The following MAGI1 variants were observed in gnomAD, a reference collection of about 807,000 sequenced individuals.
MAGI1 encodes membrane associated guanylate kinase, WW and PDZ domain containing 1.
MAGI1 carries 58 observed loss-of-function variants against 139.9 expected under a neutral mutation model. The ratio of observed to expected loss-of-function variants is 0.41; its 90% CI spans 0.34 to 0.52. The LOEUF is 0.52. Among genes scored for constraint, MAGI1 ranks in the 20% least tolerant of loss-of-function variants. The probability of loss-of-function intolerance (pLI) is 0.12; values close to 1 mark genes in which losing one functional copy is unlikely to be tolerated. For missense variants in MAGI1, 1,874 were observed against 1,901.6 expected, an observed-to-expected ratio of 0.99 and a Z score of 0.27; for synonymous variants, 812 against 737.9, an observed-to-expected ratio of 1.10 and a Z score of -1.63.
At chr3:65,880,658 C>T (rs80302747) in intron 1 of MAGI1, among the ~76,000 whole-genome samples, 3,969 of 152,032 alleles carry the variant, frequency 0.026, 141 homozygotes, top group East Asian at 0.075. Flanking sequence ...AGATAATAAA[C>T]GGCTGACAAC....
In MAGI1 at chr3:65,354,902, C is replaced by CA. The variant is rs1940134962; in HGVS notation, c.*1475_*1476insT. On this transcript the variant is annotated 3_prime_UTR_variant, in exon 23 of 23. Transcript: ENST00000402939. The stretch of plus-strand genomic sequence containing the variant: ...GGTTTTCTTTTTTTTTTTCTTTTTC[C>CA]TTTTTTTTTTTCTTACAGTACCATG... 7.0e-6 allele frequency: 1 copy of CA among 143,394 alleles called. No individual in the cohort carries two copies. The highest frequency in any genetic ancestry group is 1.5e-5 in the Non-Finnish European group (1 of 65,190). 8.9% of individuals were successfully genotyped at this position (143,394 alleles called of 1,614,324 possible).
At chr3:65,824,934 C>T (rs2042143053) in intron 1 of MAGI1, among the ~76,000 whole-genome samples, 1 of 152,150 alleles carries the variant, frequency 6.6e-6, no homozygotes, top group Admixed American at 6.6e-5. Flanking sequence ...ATACTAAATA[C>T]TTCAAAATTA....
intron 1 of MAGI1, among the ~76,000 whole-genome samples, chr3:65,954,052 T>C (rs986563507): frequency 2.6e-5 from 4 of 152,086 alleles, no homozygotes; most frequent in African/African-American, 9.7e-5. Context: ...CTTCATTTCC[T>C]CCAGAGGAAT....
At chr3:65,658,193 TA>T in intron 1 of MAGI1, among the ~76,000 whole-genome samples, 1 of 152,294 alleles carries the variant, frequency 6.6e-6, no homozygotes, top group South Asian at 2.1e-4. Flanking sequence ...TGATTATAAT[TA>T]ACTGATTTTG....
intron 1 of MAGI1, among the ~76,000 whole-genome samples, chr3:65,643,884 C>A: frequency 6.6e-6 from 1 of 152,260 alleles, no homozygotes; most frequent in Middle Eastern, 3.4e-3. Context: ...CTAATCTCTG[C>A]TCCTCATTCT....
Position 66,038,609 on chromosome 3 carries a change from T to C in MAGI1, c.-301A>G. 1 of 366,602 alleles carries C rather than the reference T, an allele frequency of 2.7e-6. No homozygotes were observed. The highest frequency in any genetic ancestry group is 4.9e-6 in the Non-Finnish European group (1 of 205,466). The allele number at this position is 366,602 out of a possible 1,614,324, so 22.7% of individuals were successfully genotyped here. A position where few individuals can be genotyped will look rare whatever the true frequency, so the allele number is the denominator to read the frequency against. On this transcript the variant is annotated 5_prime_UTR_variant, in exon 1 of 23. Coordinates refer to ENST00000402939, the MANE Select transcript of MAGI1 (RefSeq NM_001033057.2). Reference sequence around the variant, plus strand: ...TGCTCTCCCGGACCAGAGTCCACTCTGCGCCGCTCGGGTTATTTTTTTTTC... The same window carrying C: ...TGCTCTCCCGGACCAGAGTCCACTCCGCGCCGCTCGGGTTATTTTTTTTTC...
intron 2 of MAGI1, among the ~76,000 whole-genome samples, chr3:65,618,751 A>C (rs368931049): frequency 6.6e-6 from 1 of 152,240 alleles, no homozygotes; most frequent in South Asian, 2.1e-4. Flanking sequence ...GACTCACCTT[A>C]TAGGATTGCT....
At position 65,979,088 on chromosome 3, in the gene MAGI1, T is replaced by TCCCCCCCCC. The variant is rs200894076; in HGVS notation, c.313+58899_313+58907dup. Among the ~76,000 whole-genome samples, 108 of 52,962 alleles carry TCCCCCCCCC rather than the reference T, an allele frequency of 2.0e-3. 1 individual carries two copies. The highest frequency in any genetic ancestry group is 2.6e-3 in the African/African-American group (37 of 14,354). 34.7% of individuals were successfully genotyped at this position (52,962 alleles called of 152,430 possible). A position where few individuals can be genotyped will look rare whatever the true frequency, so the allele number is the denominator to read the frequency against. Reference sequence around the variant, plus strand: ...AACAGCCAAAGTTTTTTTCTTTTCTTCCCCCCCCCCGCCACCCCCCACAGC... The same window carrying TCCCCCCCCC: ...AACAGCCAAAGTTTTTTTCTTTTCTTCCCCCCCCCCCCCCCCCCCGCCACCCCCCACAGC... On this transcript the variant is annotated intron_variant, in intron 1 of 22. Transcript: ENST00000402939.
intron 1 of MAGI1, among the ~76,000 whole-genome samples, chr3:65,674,733 C>G (rs543422117): frequency 6.6e-6 from 1 of 152,148 alleles, no homozygotes; most frequent in Non-Finnish European, 1.5e-5. Context: ...ACTATGCAAC[C>G]CGCTGTATAA....
In MAGI1 at chr3:65,379,282, G is replaced by T. The variant is rs1329446111; in HGVS notation, c.2974C>A (p.Pro992Thr). Residue 992 changes from proline to threonine, a missense_variant, in exon 17 of 23, where the codon CCC becomes ACC. Transcript: ENST00000402939. ...GFVIVSSVSR[P>T]EAGTTFGNAC... is the part of the protein sequence containing the mutation. ...TCACCAAAGGTCGTGCCTGCTTCGG[G>T]CCTGCTCACCGAGGACACGATGACG... The T allele has an allele frequency of 1.2e-6, 2 of 1,612,752 alleles. No individual in the cohort carries two copies. The highest frequency in any genetic ancestry group is 1.6e-4 in the Middle Eastern group (1 of 6,062).
At position 65,834,046 on chromosome 3, in the gene MAGI1, C is replaced by T. The variant is rs566775787; in HGVS notation, c.313+203950G>A. On this transcript the variant is annotated intron_variant, in intron 1 of 22. Coordinates refer to ENST00000402939, the MANE Select transcript of MAGI1 (RefSeq NM_001033057.2). ...GACACTGGGGATCCTGTGGTGAACA[C>T]AACACATGTAATTCCCACTTTTCTG... is the stretch of plus-strand genomic sequence containing the variant. Among the ~76,000 whole-genome samples the T allele has an allele frequency of 5.9e-5, 9 of 152,340 alleles. No homozygotes were observed. The East Asian group carries it at 1.7e-3, about 29-fold the overall frequency.
In MAGI1 at chr3:65,553,571, A is replaced by G. The variant is rs190106621; in HGVS notation, c.431-59940T>C. Among the ~76,000 whole-genome samples the G allele has an allele frequency of 9.8e-5, 15 of 152,338 alleles. No individual in the cohort carries two copies. The East Asian group carries it at 2.1e-3, about 22-fold the overall frequency. On this transcript the variant is annotated intron_variant, in intron 2 of 22. Coordinates refer to ENST00000402939, the MANE Select transcript of MAGI1 (RefSeq NM_001033057.2). ...GTGCCTGACCAGAATCCTGACATCAATGTCGCAAGTGTATATAGAGTGCAC... is the reference window on the plus strand; with the variant it reads ...GTGCCTGACCAGAATCCTGACATCAGTGTCGCAAGTGTATATAGAGTGCAC...
At position 65,406,896 on chromosome 3, in the gene MAGI1, G is replaced by T. The variant is rs1031080010; in HGVS notation, c.2168-5426C>A. Among the ~76,000 whole-genome samples the T allele has an allele frequency of 1.1e-4, 16 of 152,122 alleles. 1 individual carries two copies. The highest frequency in any genetic ancestry group is 3.9e-4 in the East Asian group (2 of 5,178). On this transcript the variant is annotated intron_variant, in intron 12 of 22. Transcript: ENST00000402939. Reference sequence around the variant, plus strand: ...CCACTGAAAGCCACTGAAAGAAAATGACTGTGAGGTCTTGGTCAAGGGCTG... The same window carrying T: ...CCACTGAAAGCCACTGAAAGAAAATTACTGTGAGGTCTTGGTCAAGGGCTG...
intron 1 of MAGI1, among the ~76,000 whole-genome samples, chr3:65,679,963 C>T (rs1472572439): frequency 6.6e-6 from 1 of 152,138 alleles, no homozygotes; most frequent in African/African-American, 2.4e-5. Context: ...CCAAATAACT[C>T]GTATTTCAGG....
At chr3:65,759,065 CAAAAAAAAAAAAAAAA>C (rs200497203) in intron 1 of MAGI1, among the ~76,000 whole-genome samples, 14 of 73,084 alleles carry the variant, frequency 1.9e-4, no homozygotes, top group Admixed American at 6.7e-4. Flanking sequence ...AGGCCCAGTG[CAAAAAAAAAAAAAAAA>C]AAAAAAAAAA....
In MAGI1 at chr3:65,605,326, C is replaced by T. The variant is rs552718961; in HGVS notation, c.430+16646G>A. Among the ~76,000 whole-genome samples the T allele has an allele frequency of 4.6e-5, 7 of 152,154 alleles. No individual in the cohort carries two copies. In the South Asian group the frequency reaches 1.2e-3, roughly 27 times the overall value. On this transcript the variant is annotated intron_variant, in intron 2 of 22. Transcript: ENST00000402939. The stretch of plus-strand genomic sequence containing the variant: ...CTCTCAGCATCATGTTCACCATGTG[C>T]ATCTTTGAAAAATTTCACCTGTGAA...
chr3:65,830,972 T>C (rs1445038031), intron 1 of MAGI1, among the ~76,000 whole-genome samples: 1 of 152,120 alleles, frequency 6.6e-6, no homozygotes, highest in African/African-American at 2.4e-5. Context: ...ATTTAGACTC[T>C]GCCAGTAATC....
At chr3:65,519,335 GACACACACACACACACACAC>G (rs35232258) in intron 2 of MAGI1, among the ~76,000 whole-genome samples, 82 of 139,246 alleles carry the variant, frequency 5.9e-4, no homozygotes, top group African/African-American at 1.8e-3. Flanking sequence ...ATCATGATCT[GACACACACACACACACACAC>G]ACACACACAC....
rs755485203 is a variant in MAGI1 at position 65,493,593 on chromosome 3, C to T, written c.469G>A (p.Val157Met). 6 of 1,614,152 alleles carry T rather than the reference C, an allele frequency of 3.7e-6. No homozygotes were observed. The highest frequency in any genetic ancestry group is 5.1e-6 in the Non-Finnish European group (6 of 1,180,026). Residue 157 changes from valine to methionine, a missense_variant, in exon 3 of 23, where the codon GTG becomes ATG. Physicochemically the swap from Val to Met is conservative, Grantham distance 21. Transcript: ENST00000402939. ...RSPREGEVPG[V>M]DYNFLTVKEF... ...TTCACAGTCAGAAAGTTATAGTCCA[C>T]GCCAGGCACTTCTCCTTCTCTGGGA...
Sources: allele counts gnomAD v4.1 joint callset (sites outside exome capture counted in the v4.1 genomes callset), GRCh38; gene constraint gnomAD v4.1.1; transcripts MANE v1.5; gene names NCBI Gene and HGNC (gene_info 2026-07-23, HGNC 2026-07-21).